CCDC171: variants seen among roughly 807,000 people sequenced by gnomAD.
The protein encoded by CCDC171 is coiled-coil domain-containing protein 171.
In CCDC171, 177 loss-of-function variants were observed where a neutral mutation model predicts 168.2. The ratio of observed to expected loss-of-function variants is 1.05; its 90% CI spans 0.93 to 1.19. CCDC171 has a LOEUF of 1.19. Among genes scored for constraint, CCDC171 ranks in the 50% most tolerant of loss-of-function variants. The pLI is 0.00. For missense variants in CCDC171, 1,991 were observed against 1,539.0 expected (o/e 1.29, Z -4.91); for synonymous variants, 687 against 540.8 (o/e 1.27, Z -3.75).
At chr9:15,846,496 T>C (rs2060898559) in intron 21 of CCDC171, among the ~76,000 whole-genome samples, 1 of 152,170 alleles carries the variant, frequency 6.6e-6, no homozygotes. Flanking sequence ...CTGTATTTTG[T>C]AACAATTTCC....
At chr9:15,571,449 T>A (rs1046402037) in intron 2 of CCDC171, among the ~76,000 whole-genome samples, 175 bp from the exon 3 acceptor site, 1 of 152,218 alleles carries the variant, frequency 6.6e-6, no homozygotes, top group South Asian at 2.1e-4. Context: ...TATACTACTT[T>A]GTATTTCTAC....
At chr9:15,771,031 T>G (rs148408304) in intron 18 of CCDC171, among the ~76,000 whole-genome samples, 1 of 152,216 alleles carries the variant, frequency 6.6e-6, no homozygotes, top group South Asian at 2.1e-4. Context: ...AAAATAAATC[T>G]ATATCATTAA....
intron 6 of CCDC171, among the ~76,000 whole-genome samples, chr9:16,027,263 G>A (rs1833292460): frequency 6.6e-6 from 1 of 152,080 alleles, no homozygotes; most frequent in Non-Finnish European, 1.5e-5. Flanking sequence ...TTTATTTAAA[G>A]GTTTTCATTT....
chr9:15,836,484 G>C (rs1189783280), intron 21 of CCDC171, among the ~76,000 whole-genome samples: 1 of 152,126 alleles, frequency 6.6e-6, no homozygotes, highest in African/African-American at 2.4e-5. Flanking sequence ...TCCTGCCTCA[G>C]CCTCCCGAGT....
At chr9:16,102,045 A>C in the CCDC171 span, among the ~76,000 whole-genome samples, 1 of 152,148 alleles carries the variant, frequency 6.6e-6, no homozygotes, top group Admixed American at 6.5e-5. Flanking sequence ...AGTAAACCAA[A>C]ACACCTATTA....
intron 6 of CCDC171, among the ~76,000 whole-genome samples, chr9:16,027,999 C>G (rs1833305770): frequency 6.6e-6 from 1 of 152,094 alleles, no homozygotes; most frequent in South Asian, 2.1e-4. Flanking sequence ...TAATGGTATA[C>G]TTAGCTTATC....
chr9:15,628,896 C>T (rs970015202), intron 7 of CCDC171, among the ~76,000 whole-genome samples: 1 of 152,224 alleles, frequency 6.6e-6, no homozygotes, highest in Non-Finnish European at 1.5e-5. Flanking sequence ...TCTGCAGCCA[C>T]CGCTGCTGGT....
At chr9:15,684,594 G>A (rs1014520264) in intron 10 of CCDC171, among the ~76,000 whole-genome samples, 1 of 151,954 alleles carries the variant, frequency 6.6e-6, no homozygotes, top group African/African-American at 2.4e-5. Flanking sequence ...CTCATGTTGA[G>A]TGAGCAAAAA....
At position 15,725,930 on chromosome 9, in the gene CCDC171, ATAT is replaced by A. The variant is rs546937683; in HGVS notation, c.1692+958_1692+960del. Among the ~76,000 whole-genome samples the A allele has an allele frequency of 1.3e-3, 193 of 152,336 alleles. 2 individuals are homozygous for A. The highest frequency in any genetic ancestry group is 4.5e-3 in the African/African-American group (189 of 41,582). ...TTATGTTTATTAATGACTTATAAAA[ATAT>A]TATGACACAAATTTCATATTTTGTT... On this transcript the variant is annotated intron_variant, in intron 14 of 25. Transcript: ENST00000380701.
At chr9:15,902,681 G>C (rs1821876317) in intron 24 of CCDC171, among the ~76,000 whole-genome samples, 1 of 152,210 alleles carries the variant, frequency 6.6e-6, no homozygotes, top group Admixed American at 6.5e-5. Flanking sequence ...GTTGGAAAGT[G>C]GGTGCAGGAC....
intron 3 of CCDC171, among the ~76,000 whole-genome samples, chr9:16,000,124 C>T (rs931218724): frequency 6.6e-6 from 1 of 152,170 alleles, no homozygotes; most frequent in Non-Finnish European, 1.5e-5. Context: ...AATTCTTCAT[C>T]ATATGAGAGT....
intron 10 of CCDC171, 50 bp from the exon 11 acceptor site, chr9:15,695,185 C>A: frequency 8.6e-7 from 1 of 1,165,676 alleles, no homozygotes; most frequent in Non-Finnish European, 1.3e-6. Flanking sequence ...TAAAAATATG[C>A]AGCTCTTATA....
intron 6 of CCDC171, among the ~76,000 whole-genome samples, chr9:16,032,421 G>A (rs1216736719): frequency 6.6e-6 from 1 of 152,080 alleles, no homozygotes; most frequent in Non-Finnish European, 1.5e-5. Flanking sequence ...GAGGAGAAGG[G>A]TCACTGGCCA....
intron 21 of CCDC171, among the ~76,000 whole-genome samples, chr9:15,807,451 A>C (rs2059130935): frequency 6.6e-6 from 1 of 152,174 alleles, no homozygotes; most frequent in Non-Finnish European, 1.5e-5. Flanking sequence ...GCTTGTAAGG[A>C]CGGGGATAGA....
At chr9:15,798,537 T>G (rs1387632459) in intron 21 of CCDC171, among the ~76,000 whole-genome samples, 1 of 152,186 alleles carries the variant, frequency 6.6e-6, no homozygotes, top group Admixed American at 6.5e-5. Flanking sequence ...TATCAATCTG[T>G]CACATTTTAG....
At chr9:15,894,041 G>C (rs1350272617) in intron 24 of CCDC171, among the ~76,000 whole-genome samples, 1 of 152,164 alleles carries the variant, frequency 6.6e-6, no homozygotes, top group Admixed American at 6.5e-5. Flanking sequence ...GCCCTTCAAT[G>C]ATAGATTGGA....
At chr9:15,811,637 T>G (rs2059360834) in intron 21 of CCDC171, among the ~76,000 whole-genome samples, 1 of 152,248 alleles carries the variant, frequency 6.6e-6, no homozygotes, top group Non-Finnish European at 1.5e-5. Flanking sequence ...TAGTTACTGT[T>G]TCTACTAATG....
At chr9:15,573,528 CA>C (rs1440657642) in intron 3 of CCDC171, among the ~76,000 whole-genome samples, 1 of 152,104 alleles carries the variant, frequency 6.6e-6, no homozygotes, top group Non-Finnish European at 1.5e-5. Flanking sequence ...GTGATCTGCC[CA>C]CCTTGGCCTC....
chr9:15,599,341 C>T (rs1240369402), intron 6 of CCDC171, among the ~76,000 whole-genome samples: 1 of 152,068 alleles, frequency 6.6e-6, no homozygotes, highest in Non-Finnish European at 1.5e-5. Context: ...TAGGGCAGGC[C>T]TGGTGGTGAC....
Sources: gnomAD v4.1 joint callset for allele counts (sites outside exome capture counted in the v4.1 genomes callset) on GRCh38, gnomAD v4.1.1 for gene constraint, MANE v1.5 for transcripts, NCBI Gene and HGNC (gene_info 2026-07-23, HGNC 2026-07-21) for gene names.